C1GALT1: variants seen among roughly 807,000 people sequenced by gnomAD.
C1GALT1 encodes the protein core 1 synthase, glycoprotein-N-acetylgalactosamine 3-beta-galactosyltransferase 1.
Under a neutral mutation model 31.0 loss-of-function variants are expected in C1GALT1, and 11 were observed. The ratio of observed to expected loss-of-function variants is 0.36; its 90% CI spans 0.22 to 0.59. The LOEUF is 0.59. C1GALT1 is among the 20% of genes least tolerant of loss of function. The probability of loss-of-function intolerance (pLI) is 0.79; values close to 1 mark genes in which losing one functional copy is unlikely to be tolerated. For synonymous variants in C1GALT1, 175 were observed against 143.6 expected, an observed-to-expected ratio of 1.22 and a Z score of -1.56; for missense variants, 424 against 425.2, an observed-to-expected ratio of 1.00 and a Z score of 0.03.
At chr7:7,229,637 G>C (rs1782972663) in intron 1 of C1GALT1, among the ~76,000 whole-genome samples, 1 of 152,058 alleles carries the variant, frequency 6.6e-6, no homozygotes, top group Non-Finnish European at 1.5e-5. Flanking sequence ...CTAATGAACT[G>C]GTCCTCAGAC....
intron 1 of C1GALT1, among the ~76,000 whole-genome samples, chr7:7,193,487 G>A (rs767131411): frequency 2.6e-5 from 4 of 151,984 alleles, no homozygotes; most frequent in Non-Finnish European, 4.4e-5. Context: ...TTTATTTCTG[G>A]GTTCTGTATT....
chr7:7,189,831 T>G (rs1780979371), intron 1 of C1GALT1, among the ~76,000 whole-genome samples: 1 of 152,158 alleles, frequency 6.6e-6, no homozygotes, highest in African/African-American at 2.4e-5. Context: ...TACTGAAATC[T>G]TAGAAACATT....
chr7:7,242,224 T>G (rs1246388584), intron 3 of C1GALT1, among the ~76,000 whole-genome samples: 1 of 151,702 alleles, frequency 6.6e-6, no homozygotes, highest in Non-Finnish European at 1.5e-5. Context: ...TTTTTTTTTT[T>G]TTTTACATTT....
At chr7:7,161,289 A>G (rs182719493) in intron 2 of C1GALT1, among the ~76,000 whole-genome samples, 104 of 151,716 alleles carry the variant, frequency 6.9e-4, no homozygotes, top group African/African-American at 2.3e-3. Context: ...TAACAGTGGG[A>G]AAAAAAACCT....
At chr7:7,193,416 T>G (rs1458935313) in intron 1 of C1GALT1, among the ~76,000 whole-genome samples, 1 of 152,188 alleles carries the variant, frequency 6.6e-6, no homozygotes, top group East Asian at 1.9e-4. Flanking sequence ...TAGGGTGTCC[T>G]TTCCCCACTT....
Position 7,182,703 on chromosome 7 carries a change from TCGGCTAGCGGCCA to T in C1GALT1, c.-132_-120del. On this transcript the variant is annotated 5_prime_UTR_variant, in exon 1 of 4. Transcript: ENST00000436587. ...ATAATCTGGGCGGCAGCGGGCGGCC[TCGGCTAGCGGCCA>T]CGAGCCACTTCTGCGGCTGCCCAGA... is the stretch of plus-strand genomic sequence containing the variant. 3 of 725,012 alleles carry T rather than the reference TCGGCTAGCGGCCA, an allele frequency of 4.1e-6. No individual in the cohort carries two copies. The highest frequency in any genetic ancestry group is 5.1e-6 in the Non-Finnish European group (3 of 591,878). The allele number at this position is 725,012 out of a possible 1,614,324, so 44.9% of individuals were successfully genotyped here. A position where few individuals can be genotyped will look rare whatever the true frequency, so the allele number is the denominator to read the frequency against.
In C1GALT1 at chr7:7,226,687, T is replaced by TA. The variant is rs552808649; in HGVS notation, c.-17-7608dup. Among the ~76,000 whole-genome samples the TA allele has an allele frequency of 4.2e-3, 631 of 151,994 alleles. 2 individuals carry two copies. The highest frequency in any genetic ancestry group is 6.2e-3 in the Non-Finnish European group (421 of 67,936). On this transcript the variant is annotated intron_variant, in intron 1 of 3. Coordinates refer to ENST00000436587, the MANE Select transcript of C1GALT1 (RefSeq NM_020156.5). ...CAGATGTGGCACCGATTAGCGCCAT[T>TA]AAAAAAAACTGCTTGCTGAAACCCA...
chr7:7,200,555 T>TG (rs954420553), intron 1 of C1GALT1, among the ~76,000 whole-genome samples: 29 of 152,190 alleles, frequency 1.9e-4, no homozygotes, highest in African/African-American at 5.3e-4. Context: ...CTCGCTAGAT[T>TG]GGGGGGGTTC....
chr7:7,206,668 C>T (rs1315611802), intron 1 of C1GALT1, among the ~76,000 whole-genome samples: 2 of 123,806 alleles, frequency 1.6e-5, no homozygotes, highest in Non-Finnish European at 3.3e-5. Flanking sequence ...AAGAGCAAAA[C>T]TCCGTCTCAA....
intron 1 of C1GALT1, 138 bp from the exon 2 acceptor site, chr7:7,234,165 G>T: frequency 3.1e-6 from 2 of 646,316 alleles, no homozygotes; most frequent in Non-Finnish European, 5.3e-6. Flanking sequence ...GCAGCAAATA[G>T]AGGGGTAAAC....
intron 1 of C1GALT1, among the ~76,000 whole-genome samples, chr7:7,197,220 C>A (rs112948787): frequency 0.031 from 4,701 of 152,078 alleles, 163 homozygotes; most frequent in African/African-American, 0.084. Flanking sequence ...ATTTTTGTAT[C>A]AGCTATAAGG....
At chr7:7,196,144 A>G (rs1215397099) in intron 1 of C1GALT1, among the ~76,000 whole-genome samples, 1 of 152,054 alleles carries the variant, frequency 6.6e-6, no homozygotes, top group African/African-American at 2.4e-5. Context: ...TACATGTGTC[A>G]TGTTGGTGTG....
intron 1 of C1GALT1, among the ~76,000 whole-genome samples, chr7:7,220,294 C>T (rs551702254): frequency 6.6e-6 from 1 of 152,280 alleles, no homozygotes; most frequent in East Asian, 1.9e-4. Flanking sequence ...AATAATTACT[C>T]AGTGTTAGCT....
intron 2 of C1GALT1, among the ~76,000 whole-genome samples, chr7:7,172,351 T>C (rs1026579133): frequency 6.6e-6 from 1 of 152,200 alleles, no homozygotes; most frequent in Non-Finnish European, 1.5e-5. Flanking sequence ...GATGAGTTAC[T>C]TTTTTCTTGT....
chr7:7,160,181 A>G (rs1780319102), intron 2 of C1GALT1, among the ~76,000 whole-genome samples: 1 of 152,126 alleles, frequency 6.6e-6, no homozygotes, highest in Non-Finnish European at 1.5e-5. Flanking sequence ...ACACGTTCCA[A>G]TAGCCTCATG....
Position 7,230,437 on chromosome 7 carries a change from A to G in C1GALT1, c.-17-3866A>G, listed in dbSNP as rs12540316. Among the ~76,000 whole-genome samples the G allele has an allele frequency of 0.02, 2,978 of 152,002 alleles. 174 individuals carry two copies. In the East Asian group the frequency reaches 0.21, roughly 11 times the overall value. ...ATTTTGCTTTCAACTTTATAAATCT[A>G]TTTAATATGTGTCTCTTGTAAGCTG... On this transcript the variant is annotated intron_variant, in intron 1 of 3. Transcript: ENST00000436587.
chr7:7,229,390 TTC>T (rs1161822311), intron 1 of C1GALT1, among the ~76,000 whole-genome samples: 2 of 152,166 alleles, frequency 1.3e-5, no homozygotes, highest in Non-Finnish European at 2.9e-5. Context: ...TTCAATCGTA[TTC>T]TGCTTGTCTT....
chr7:7,185,115 T>G (rs764052143), intron 1 of C1GALT1, among the ~76,000 whole-genome samples: 1 of 152,058 alleles, frequency 6.6e-6, no homozygotes, highest in Non-Finnish European at 1.5e-5. Context: ...ATAAAGAAAC[T>G]GGTGTTTGTG....
intron 2 of C1GALT1, among the ~76,000 whole-genome samples, chr7:7,161,216 A>G (rs564200991): frequency 6.6e-6 from 1 of 152,096 alleles, no homozygotes; most frequent in Non-Finnish European, 1.5e-5. Flanking sequence ...ACAGACTCAA[A>G]TTCTCAGAAA....
Sources: gnomAD v4.1 joint callset for allele counts (sites outside exome capture counted in the v4.1 genomes callset) on GRCh38, gnomAD v4.1.1 for gene constraint, MANE v1.5 for transcripts, NCBI Gene and HGNC (gene_info 2026-07-23, HGNC 2026-07-21) for gene names.